ZNF660: variants seen among roughly 807,000 people sequenced by gnomAD.
ZNF660 encodes the protein zinc finger protein 660.
A neutral mutation model predicts 23.2 loss-of-function variants in ZNF660; 24 were observed. The ratio of observed to expected loss-of-function variants is 1.04; its 90% CI spans 0.75 to 1.46. The LOEUF (loss-of-function observed/expected upper bound fraction) is 1.46, where lower values mean the gene tolerates loss of function less well. Among genes scored for constraint, ZNF660 ranks in the 40% most tolerant of loss-of-function variants. The pLI, the probability that ZNF660 is intolerant of heterozygous loss-of-function variation, is 0.00. For missense variants in ZNF660, 373 were observed against 396.8 expected, an observed-to-expected ratio of 0.94 and a Z score of 0.51; for synonymous variants, 117 against 131.4, an observed-to-expected ratio of 0.89 and a Z score of 0.75.
At chr3:44,590,051 T>C (rs1302294042) in intron 2 of ZNF660, among the ~76,000 whole-genome samples, 1 of 149,508 alleles carries the variant, frequency 6.7e-6, no homozygotes, top group African/African-American at 2.5e-5. Context: ...TTCTCCATCA[T>C]TCCATGCCTT....
intron 2 of ZNF660, among the ~76,000 whole-genome samples, chr3:44,591,171 C>T (rs924681080): frequency 6.6e-6 from 1 of 152,122 alleles, no homozygotes; most frequent in African/African-American, 2.4e-5. Flanking sequence ...CTCTGTTGCC[C>T]AGGCTGAAGT....
At chr3:44,592,356 G>A (rs1700453927) in intron 2 of ZNF660, among the ~76,000 whole-genome samples, 1 of 152,132 alleles carries the variant, frequency 6.6e-6, no homozygotes, top group South Asian at 2.1e-4. Context: ...ATATTTAATT[G>A]TCTAACAAAA....
rs1215262740 is a variant in ZNF660, at chr3:44,594,478, T to TC, written c.286dup (p.His96ProfsTer15). On this transcript the variant is annotated frameshift_variant, in exon 3 of 3. Coordinates refer to ENST00000322734, the MANE Select transcript of ZNF660 (RefSeq NM_173658.4). LOFTEE classifies it high-confidence loss of function. ...TCAGTCATAGCTCTAACCTTGTTGT[T>TC]CATCGGAGAATCCACACTGGACTGA... 6.2e-7 allele frequency: 1 copy of TC among 1,614,018 alleles called. No homozygotes were observed. The highest frequency in any genetic ancestry group is 8.5e-7 in the Non-Finnish European group (1 of 1,180,012).
chr3:44,588,501 T>C (rs536139939), intron 2 of ZNF660, among the ~76,000 whole-genome samples: 2 of 152,256 alleles, frequency 1.3e-5, no homozygotes, highest in Admixed American at 1.3e-4. Flanking sequence ...TAAGCTTATC[T>C]GTTTTTTTAT....
At chr3:44,586,290 G>A (rs1700223198) in intron 2 of ZNF660, 77 bp downstream of exon 2, 1 of 152,282 alleles carries the variant, frequency 6.6e-6, no homozygotes, top group Non-Finnish European at 1.5e-5. Context: ...TCCTGCTTGT[G>A]GGCACCAGGG....
Position 44,595,027 on chromosome 3 carries a change from ATG to A in ZNF660, c.837_838del (p.Cys279TrpfsTer19). 1 of 1,613,956 alleles carries A rather than the reference ATG, an allele frequency of 6.2e-7. No homozygotes were observed. Among genetic ancestry groups the A allele is most frequent in the Non-Finnish European group, 8.5e-7 (1 of 1,179,982 alleles). ...GAGAGAAACCCTATAAATGTAATGAATGTGGGAAAACCTTCAGGCAGACTTCT... is the reference window on the plus strand; with the variant it reads ...GAGAGAAACCCTATAAATGTAATGAATGGGAAAACCTTCAGGCAGACTTCT... ...TGEKPYKCNE[C>X]GKTFRQTSQV... On this transcript the variant is annotated frameshift_variant, in exon 3 of 3. Transcript: ENST00000322734. LOFTEE classifies it high-confidence loss of function.
Position 44,594,172 on chromosome 3 carries a change from G to A in ZNF660, c.-22G>A, listed in dbSNP as rs992135440. 11 of 1,612,224 alleles carry A rather than the reference G, an allele frequency of 6.8e-6. No homozygotes were observed. Among genetic ancestry groups the A allele is most frequent in the Non-Finnish European group, 9.3e-6 (11 of 1,179,436 alleles). On this transcript the variant is annotated 5_prime_UTR_variant, in exon 3 of 3. Coordinates refer to ENST00000322734, the MANE Select transcript of ZNF660 (RefSeq NM_173658.4). Reference sequence around the variant, plus strand: ...GAAAGAGAAGACTAGAGAGGACACTGGTATGTTCCAAGCAGGAGAAAATGA... The same window carrying A: ...GAAAGAGAAGACTAGAGAGGACACTAGTATGTTCCAAGCAGGAGAAAATGA...
At chr3:44,588,008 T>C (rs1700284482) in intron 2 of ZNF660, among the ~76,000 whole-genome samples, 1 of 152,118 alleles carries the variant, frequency 6.6e-6, no homozygotes, top group Admixed American at 6.5e-5. Flanking sequence ...TGAGCTGAGA[T>C]CACGCCATTG....
At chr3:44,589,374 G>A (rs1410190081) in intron 2 of ZNF660, among the ~76,000 whole-genome samples, 2 of 152,186 alleles carry the variant, frequency 1.3e-5, no homozygotes, top group African/African-American at 4.8e-5. Context: ...CACTATTCTG[G>A]GAAAACCAGG....
In ZNF660 at chr3:44,594,570, GA is replaced by G; in HGVS notation, c.379del (p.Ile127SerfsTer103). ...SGKSHLIRHQ[G>X]IHSGEKTYEC... The stretch of plus-strand genomic sequence containing the variant: ...AAGTCACATCTTATTCGGCACCAGG[GA>G]ATCCACAGTGGGGAGAAAACTTATG... On this transcript the variant is annotated frameshift_variant, in exon 3 of 3. Coordinates refer to ENST00000322734, the MANE Select transcript of ZNF660 (RefSeq NM_173658.4). LOFTEE classifies it high-confidence loss of function. 4 of 1,614,176 alleles carry G rather than the reference GA, an allele frequency of 2.5e-6. No homozygotes were observed. Among genetic ancestry groups the G allele is most frequent in the Non-Finnish European group, 3.4e-6 (4 of 1,180,050 alleles).
Position 44,594,605 on chromosome 3 carries a change from G to A in ZNF660, c.412G>A (p.Glu138Lys). 1 of 1,614,212 alleles carries A rather than the reference G, an allele frequency of 6.2e-7. No homozygotes were observed. Among genetic ancestry groups the A allele is most frequent in the African/African-American group, 1.3e-5 (1 of 75,064 alleles). Residue 138 changes from glutamate to lysine, a missense_variant, in exon 3 of 3, where the codon GAG becomes AAG. By Grantham distance (56) the Glu-to-Lys change is moderately conservative. Coordinates refer to ENST00000322734, the MANE Select transcript of ZNF660 (RefSeq NM_173658.4). ...HSGEKTYECK[E>K]CGKAFSRSSG... The stretch of plus-strand genomic sequence containing the variant: ...TGGGGAGAAAACTTATGAATGTAAA[G>A]AGTGTGGGAAAGCCTTTAGTCGGAG...
At position 44,594,874 on chromosome 3, in the gene ZNF660, C is replaced by A. The variant is rs1199123902; in HGVS notation, c.681C>A (p.Phe227Leu). ...PYECDECGKTFILRKTLNEHQ... is the reference protein window; with the variant it reads ...PYECDECGKTLILRKTLNEHQ... Reference sequence around the variant, plus strand: ...AATGTGATGAGTGTGGAAAAACTTTCATCTTAAGGAAAACTCTTAATGAAC... The same window carrying A: ...AATGTGATGAGTGTGGAAAAACTTTAATCTTAAGGAAAACTCTTAATGAAC... The change falls in exon 3 of 3, where the codon TTC becomes TTA. Residue 227 changes from phenylalanine to leucine, a missense_variant. Transcript: ENST00000322734. 1 of 1,613,962 alleles carries A rather than the reference C, an allele frequency of 6.2e-7. No individual in the cohort carries two copies. Among genetic ancestry groups the A allele is most frequent in the Admixed American group, 1.7e-5 (1 of 60,002 alleles).
chr3:44,594,627 G>A lies in ZNF660; in HGVS notation c.434G>A (p.Arg145Gln), dbSNP rs201758467. The change falls in exon 3 of 3, where the codon CGG (arginine) becomes CAG (glutamine). Residue 145 changes from arginine (R) to glutamine (Q), a missense_variant. By Grantham distance (43) the Arg-to-Gln change is conservative. Coordinates refer to ENST00000322734, the MANE Select transcript of ZNF660 (RefSeq NM_173658.4). ...AAAGAGTGTGGGAAAGCCTTTAGTC[G>A]GAGTTCGGGCCTTATATCACATCAC... The part of the protein sequence containing the change: ...ECKECGKAFS[R>Q]SSGLISHHRV... 5.1e-5 allele frequency: 83 copies of A among 1,613,054 alleles called. No individual in the cohort carries two copies. Among genetic ancestry groups the A allele is most frequent in the Middle Eastern group, 4.9e-4 (3 of 6,072 alleles).
intron 2 of ZNF660, among the ~76,000 whole-genome samples, chr3:44,591,585 T>C (rs944542625): frequency 6.6e-6 from 1 of 152,220 alleles, no homozygotes; most frequent in Non-Finnish European, 1.5e-5. Flanking sequence ...TTATTGATAG[T>C]AGTTAACTTC....
Position 44,588,411 on chromosome 3 carries a change from A to G in ZNF660, c.-181+2198A>G, listed in dbSNP as rs74815501. ...ACCTCCCAACAGGCCCACCTCCAAC[A>G]TAGAAGATTACATTTCAATGTGAGA... On this transcript the variant is annotated intron_variant, in intron 2 of 2. Coordinates refer to ENST00000322734, the MANE Select transcript of ZNF660 (RefSeq NM_173658.4). 2.0e-5 allele frequency among the ~76,000 whole-genome samples: 3 copies of G among 152,308 alleles called. No homozygotes were observed. The East Asian group carries it at 5.8e-4, about 29-fold the overall frequency.
At chr3:44,590,670 A>G (rs1191428441) in intron 2 of ZNF660, among the ~76,000 whole-genome samples, 1 of 152,224 alleles carries the variant, frequency 6.6e-6, no homozygotes, top group African/African-American at 2.4e-5. Context: ...GGTGCTCATT[A>G]GTTATGAGTT....
rs202068996 is a variant in ZNF660, at chr3:44,595,128, G to A, written c.935G>A (p.Arg312Gln). 22 of 1,611,920 alleles carry A rather than the reference G, an allele frequency of 1.4e-5. No homozygotes were observed. Among genetic ancestry groups the A allele is most frequent in the Non-Finnish European group, 1.6e-5 (19 of 1,179,318 alleles). ...TGTAGTGAGTGTGGGAAAGCCTATC[G>A]GTATAGTTCACAGCTTATTCAACAC... ...YKCSECGKAY[R>Q]YSSQLIQHQR... Residue 312 changes from arginine to glutamine, a missense_variant, in exon 3 of 3, where the codon CGG becomes CAG. Transcript: ENST00000322734.
rs145637169 is a variant in ZNF660, at chr3:44,596,754, T to A, written c.*1565T>A. 25 of 152,348 alleles carry A rather than the reference T, an allele frequency of 1.6e-4. No individual in the cohort carries two copies. The highest frequency in any genetic ancestry group is 2.9e-4 in the Non-Finnish European group (20 of 68,046). 9.4% of individuals were successfully genotyped at this position (152,348 alleles called of 1,614,324 possible). On this transcript the variant is annotated 3_prime_UTR_variant, in exon 3 of 3. Coordinates refer to ENST00000322734, the MANE Select transcript of ZNF660 (RefSeq NM_173658.4). ...GAAAAGGAGCTGAGGCTTTCTCATC[T>A]GGTTTCTTCCTTTTGTCACTGAGAA...
chr3:44,588,422 C>A (rs550685808), intron 2 of ZNF660, among the ~76,000 whole-genome samples: 1 of 152,184 alleles, frequency 6.6e-6, no homozygotes, highest in Non-Finnish European at 1.5e-5. Context: ...TAGAAGATTA[C>A]ATTTCAATGT....
Sources: gnomAD v4.1 joint callset for allele counts (sites outside exome capture counted in the v4.1 genomes callset) on GRCh38, gnomAD v4.1.1 for gene constraint, MANE v1.5 for transcripts, NCBI Gene and HGNC (gene_info 2026-07-23, HGNC 2026-07-21) for gene names.